The following CTAGE1 variants were observed in gnomAD, a reference collection of about 807,000 sequenced individuals.
The protein encoded by CTAGE1 is cutaneous T cell lymphoma-associated antigen 1.
For missense variants in CTAGE1, 963 were observed against 855.9 expected (o/e 1.13, Z -1.56); for synonymous variants, 332 against 302.8 (o/e 1.10, Z -1.00).
Position 22,415,743 on chromosome 18 carries a change from G to C in CTAGE1, c.2069C>G (p.Pro690Arg), listed in dbSNP as rs193288240. Residue 690 changes from proline to arginine, a missense_variant, in exon 1 of 1, where the codon CCA (proline) becomes CGA (arginine). Pro to Arg is a moderately radical substitution (Grantham distance 103, BLOSUM62 -2). Coordinates refer to ENST00000391403, the MANE Select transcript of CTAGE1 (RefSeq NM_172241.3). ...TCCAAACACGGTTCCTGGAGGAGGT[G>C]GGGGGAAAGGAGGTCCTCTTCTTAT... The part of the protein sequence containing the change: ...PFIRRGPPFP[P>R]PPPGTVFGAS... 1.9e-6 allele frequency: 3 copies of C among 1,613,956 alleles called. No individual in the cohort carries two copies. The highest frequency in any genetic ancestry group is 1.7e-6 in the Non-Finnish European group (2 of 1,179,918).
rs1441547565 is a variant in CTAGE1 at position 22,414,785 on chromosome 18, T to C, written c.*789A>G. On this transcript the variant is annotated 3_prime_UTR_variant, in exon 1 of 1. Transcript: ENST00000391403. ...GGCAAGTAAAAGTTCTGGATAAAGT[T>C]GTTCCCACCAAATAAAAATAAAACA... The C allele has an allele frequency of 1.4e-6, 1 of 702,906 alleles. No homozygotes were observed. The allele number at this position is 702,906 out of a possible 1,614,324, so 43.5% of individuals were successfully genotyped here.
In CTAGE1 at chr18:22,414,438, A is replaced by G. The variant is rs2034984470; in HGVS notation, c.*1136T>C. 1.8e-6 allele frequency: 1 copy of G among 541,880 alleles called. No homozygotes were observed. The highest frequency in any genetic ancestry group is 3.3e-6 in the Non-Finnish European group (1 of 307,322). The allele number at this position is 541,880 out of a possible 1,614,324, so 33.6% of individuals were successfully genotyped here. ...CATTAACTGCTAGGGGAGGCATGTG[A>G]GCTAGGATGCTTTTTAAAAGTGAGG... On this transcript the variant is annotated 3_prime_UTR_variant, in exon 1 of 1. Transcript: ENST00000391403.
Position 22,416,507 on chromosome 18 carries a change from T to C in CTAGE1, c.1305A>G (p.Ala435=), listed in dbSNP as rs780949667. The C allele has an allele frequency of 7.4e-6, 12 of 1,613,934 alleles. No homozygotes were observed. The highest frequency in any genetic ancestry group is 6.7e-5 in the Admixed American group (4 of 59,984). Residue 435 remains alanine (A), a synonymous_variant, in exon 1 of 1, where the codon GCA becomes GCG. Coordinates refer to ENST00000391403, the MANE Select transcript of CTAGE1 (RefSeq NM_172241.3). ...HEKKAHDNWS[A]AWTAERNLND... ...TGAGGTTTCTTTCAGCAGTCCAAGCTGCCGACCAATTATCATGTGCTTTTT... is the reference window on the plus strand; with the variant it reads ...TGAGGTTTCTTTCAGCAGTCCAAGCCGCCGACCAATTATCATGTGCTTTTT...
Position 22,416,361 on chromosome 18 carries a change from T to C in CTAGE1, c.1451A>G (p.Gln484Arg), listed in dbSNP as rs371705557. ...LDVPNTAFGR[Q>R]HSPYGPSPLG... ...TGGTGAGGGACCATATGGGGAATGC[T>C]GTCTGCCAAATGCTGTATTTGGAAC... Residue 484 changes from glutamine to arginine, a missense_variant, in exon 1 of 1, where the codon CAG (glutamine) becomes CGG (arginine). Physicochemically the swap from Gln to Arg is conservative, Grantham distance 43 (BLOSUM62 1). Coordinates refer to ENST00000391403, the MANE Select transcript of CTAGE1 (RefSeq NM_172241.3). The C allele has an allele frequency of 1.9e-6, 3 of 1,613,928 alleles. No individual in the cohort carries two copies. The highest frequency in any genetic ancestry group is 1.3e-5 in the African/African-American group (1 of 74,936).
chr18:22,417,445 T>C lies in CTAGE1; in HGVS notation c.367A>G (p.Lys123Glu). Reference protein sequence around the residue: ...HEILCLEKELKEEKSKHSEQN... With the variant: ...HEILCLEKELEEEKSKHSEQN... ...TCAGAATGTTTAGATTTCTCTTCTT[T>C]TAACTCTTTTTCTAGACAGAGTATT... The change falls in exon 1 of 1, where the codon AAA becomes GAA. Residue 123 changes from lysine to glutamate, a missense_variant. Coordinates refer to ENST00000391403, the MANE Select transcript of CTAGE1 (RefSeq NM_172241.3). 6.2e-7 allele frequency: 1 copy of C among 1,614,028 alleles called. No individual in the cohort carries two copies. The highest frequency in any genetic ancestry group is 8.5e-7 in the Non-Finnish European group (1 of 1,179,874).
rs748835461 is a variant in CTAGE1, at chr18:22,415,847, T to C, written c.1965A>G (p.Ala655=). The C allele has an allele frequency of 1.7e-5, 28 of 1,613,858 alleles. No individual in the cohort carries two copies. The highest frequency in any genetic ancestry group is 1.5e-4 in the African/African-American group (11 of 74,922). The part of the protein sequence containing the change: ...PDSSLPAENE[A]TGPGFVPPPL... Reference sequence around the variant, plus strand: ...GTGGAGGAACAAAGCCAGGGCCAGTTGCTTCATTTTCAGCGGGGAGAGATG... The same window carrying C: ...GTGGAGGAACAAAGCCAGGGCCAGTCGCTTCATTTTCAGCGGGGAGAGATG... The change falls in exon 1 of 1, where the codon GCA becomes GCG. Residue 655 remains alanine, a synonymous_variant. Coordinates refer to ENST00000391403, the MANE Select transcript of CTAGE1 (RefSeq NM_172241.3).
chr18:22,417,218 T>C lies in CTAGE1; in HGVS notation c.594A>G (p.Glu198=), dbSNP rs377745381. The C allele has an allele frequency of 6.2e-7, 1 of 1,613,872 alleles. No homozygotes were observed. Among genetic ancestry groups the C allele is most frequent in the African/African-American group, 1.3e-5 (1 of 74,938 alleles). ...TCACTTGTTCTTTCCATACTTCAGC[T>C]TCTTGCAAAAGCTGTTTCTGGCTTT... ...LQESQKQLLQ[E]AEVWKEQVSE... is the part of the protein sequence containing the mutation. The change falls in exon 1 of 1, where the codon GAA becomes GAG. Residue 198 remains glutamate, a synonymous_variant. Coordinates refer to ENST00000391403, the MANE Select transcript of CTAGE1 (RefSeq NM_172241.3).
chr18:22,417,647 T>C lies in CTAGE1; in HGVS notation c.165A>G (p.Leu55=), dbSNP rs780589110. The change falls in exon 1 of 1, where the codon CTA becomes CTG. Residue 55 remains leucine (L), a synonymous_variant. Coordinates refer to ENST00000391403, the MANE Select transcript of CTAGE1 (RefSeq NM_172241.3). The stretch of plus-strand genomic sequence containing the variant: ...CAAGTAGTTTACATTTTTCTTCAAT[T>C]AGTCCAGAAAGTGCCACAGCAAACT... ...EKKFAVALSG[L]IEEKCKLLEK... is the part of the protein sequence containing the mutation. 6.2e-7 allele frequency: 1 copy of C among 1,613,930 alleles called. No homozygotes were observed. The highest frequency in any genetic ancestry group is 1.3e-5 in the African/African-American group (1 of 74,930).
chr18:22,416,347 C>T lies in CTAGE1; in HGVS notation c.1465G>A (p.Gly489Ser). 2 of 1,613,924 alleles carry T rather than the reference C, an allele frequency of 1.2e-6. No individual in the cohort carries two copies. Among genetic ancestry groups the T allele is most frequent in the Non-Finnish European group, 1.7e-6 (2 of 1,179,858 alleles). Residue 489 changes from glycine to serine, a missense_variant, in exon 1 of 1, where the codon GGT becomes AGT. By Grantham distance (56) the Gly-to-Ser change is moderately conservative. Coordinates refer to ENST00000391403, the MANE Select transcript of CTAGE1 (RefSeq NM_172241.3). The part of the protein sequence containing the change: ...TAFGRQHSPY[G>S]PSPLGWPSSE... ...GAAGGCCAACCCAATGGTGAGGGACCATATGGGGAATGCTGTCTGCCAAAT... is the reference window on the plus strand; with the variant it reads ...GAAGGCCAACCCAATGGTGAGGGACTATATGGGGAATGCTGTCTGCCAAAT...
At position 22,416,399 on chromosome 18, in the gene CTAGE1, A is replaced by T; in HGVS notation, c.1413T>A (p.Pro471=). Residue 471 remains proline, a synonymous_variant, in exon 1 of 1, where the codon CCT becomes CCA. Transcript: ENST00000391403. ...EFKIKLLEKD[P]YGLDVPNTAF... ...CTGTATTTGGAACATCAAGTCCATA[A>T]GGATCTTTTTCTAAAAGTTTTATTT... 1.9e-6 allele frequency: 3 copies of T among 1,613,826 alleles called. No individual in the cohort carries two copies. Among genetic ancestry groups the T allele is most frequent in the Non-Finnish European group, 2.5e-6 (3 of 1,179,868 alleles).
At position 22,417,439 on chromosome 18, in the gene CTAGE1, C is replaced by T. The variant is rs762977905; in HGVS notation, c.373G>A (p.Glu125Lys). The part of the protein sequence containing the change: ...ILCLEKELKE[E>K]KSKHSEQNEL... ...TTTTGTTCAGAATGTTTAGATTTCT[C>T]TTCTTTTAACTCTTTTTCTAGACAG... Residue 125 changes from glutamate (E) to lysine (K), a missense_variant, in exon 1 of 1, where the codon GAG becomes AAG. Coordinates refer to ENST00000391403, the MANE Select transcript of CTAGE1 (RefSeq NM_172241.3). 1.2e-6 allele frequency: 2 copies of T among 1,613,964 alleles called. No individual in the cohort carries two copies. The highest frequency in any genetic ancestry group is 2.2e-5 in the South Asian group (2 of 91,074).
rs760886828 is a variant in CTAGE1 at position 22,415,777 on chromosome 18, C to T, written c.2035G>A (p.Gly679Ser). 9.9e-6 allele frequency: 16 copies of T among 1,613,712 alleles called. No homozygotes were observed. Among genetic ancestry groups the T allele is most frequent in the African/African-American group, 2.7e-5 (2 of 74,874 alleles). ...RGLLFPVDTR[G>S]PFIRRGPPFP... ...GGAGGTCCTCTTCTTATGAACGGGCCCCTTGTATCTACTGGAAACAATAAA... is the reference window on the plus strand; with the variant it reads ...GGAGGTCCTCTTCTTATGAACGGGCTCCTTGTATCTACTGGAAACAATAAA... The change falls in exon 1 of 1, where the codon GGC (glycine) becomes AGC (serine). Residue 679 changes from glycine (G) to serine (S), a missense_variant. Coordinates refer to ENST00000391403, the MANE Select transcript of CTAGE1 (RefSeq NM_172241.3).
rs1293076500 is a variant in CTAGE1, at chr18:22,416,282, CA to C, written c.1529del (p.Leu510TrpfsTer42). The C allele has an allele frequency of 6.2e-7, 1 of 1,613,942 alleles. No individual in the cohort carries two copies. The highest frequency in any genetic ancestry group is 8.5e-7 in the Non-Finnish European group (1 of 1,179,854). ...TRASLYPPTL[L>X]EGPLRLSPLL... is the part of the protein sequence containing the mutation. ...AAGGTGAGAGTCTGAGAGGACCTTCCAACAAAGTTGGAGGATAGAGAGAAGC... is the reference window on the plus strand; with the variant it reads ...AAGGTGAGAGTCTGAGAGGACCTTCCACAAAGTTGGAGGATAGAGAGAAGC... On this transcript the variant is annotated frameshift_variant, in exon 1 of 1. Coordinates refer to ENST00000391403, the MANE Select transcript of CTAGE1 (RefSeq NM_172241.3). LOFTEE classifies it low-confidence loss of function (END_TRUNC).
rs2034991761 is a variant in CTAGE1 at position 22,414,893 on chromosome 18, G to A, written c.*681C>T. 1 of 675,000 alleles carries A rather than the reference G, an allele frequency of 1.5e-6. No homozygotes were observed. The highest frequency in any genetic ancestry group is 1.8e-5 in the African/African-American group (1 of 55,452). The allele number at this position is 675,000 out of a possible 1,614,324, so 41.8% of individuals were successfully genotyped here. A position where few individuals can be genotyped will look rare whatever the true frequency, so the allele number is the denominator to read the frequency against. On this transcript the variant is annotated 3_prime_UTR_variant, in exon 1 of 1. Coordinates refer to ENST00000391403, the MANE Select transcript of CTAGE1 (RefSeq NM_172241.3). ...CTTAGGGAAGACGAAGGGAAGGAAA[G>A]GGAGGGCGAAGAAACCATTCTTGAG... is the stretch of plus-strand genomic sequence containing the variant.
At position 22,415,909 on chromosome 18, in the gene CTAGE1, T is replaced by C. The variant is rs1481919007; in HGVS notation, c.1903A>G (p.Thr635Ala). 1.2e-5 allele frequency: 19 copies of C among 1,613,962 alleles called. No homozygotes were observed. The highest frequency in any genetic ancestry group is 1.1e-5 in the South Asian group (1 of 91,074). Residue 635 changes from threonine (T) to alanine (A), a missense_variant, in exon 1 of 1, where the codon ACC (threonine) becomes GCC (alanine). By Grantham distance (58) the Thr-to-Ala change is moderately conservative. Transcript: ENST00000391403. ...TTTAAATTACCAAGATTATCTTTGG[T>C]ATCATTTCTACTGGATTCCATTTCT... is the stretch of plus-strand genomic sequence containing the variant. ...PSEMESSRND[T>A]KDNLGNLKVP...
Position 22,414,500 on chromosome 18 carries a change from C to A in CTAGE1, c.*1074G>T, listed in dbSNP as rs2034985165. The A allele has an allele frequency of 1.7e-5, 10 of 577,256 alleles. No individual in the cohort carries two copies. In the South Asian group the frequency reaches 2.3e-4, roughly 14 times the overall value. The allele number at this position is 577,256 out of a possible 1,614,324, so 35.8% of individuals were successfully genotyped here. A position where few individuals can be genotyped will look rare whatever the true frequency, so the allele number is the denominator to read the frequency against. ...CCAAAAGAAGCAATGGCTTGGTGGC[C>A]CAGCTTGCATGAAGGACTAATCCAA... On this transcript the variant is annotated 3_prime_UTR_variant, in exon 1 of 1. Transcript: ENST00000391403.
chr18:22,417,845 C>G lies in CTAGE1; in HGVS notation c.-34G>C. The stretch of plus-strand genomic sequence containing the variant: ...TCAGTGCTGCCACAACCCTGCGTAG[C>G]AACTCCAGGACCAGCCCCAGGTATG... On this transcript the variant is annotated 5_prime_UTR_variant, in exon 1 of 1. Transcript: ENST00000391403. 6.2e-7 allele frequency: 1 copy of G among 1,608,182 alleles called. No homozygotes were observed. Among genetic ancestry groups the G allele is most frequent in the South Asian group, 1.1e-5 (1 of 90,902 alleles).
rs771603655 is a variant in CTAGE1 at position 22,417,147 on chromosome 18, T to C, written c.665A>G (p.His222Arg). Residue 222 changes from histidine (H) to arginine (R), a missense_variant, in exon 1 of 1, where the codon CAT (histidine) becomes CGT (arginine). Coordinates refer to ENST00000391403, the MANE Select transcript of CTAGE1 (RefSeq NM_172241.3). ...QKRTFEDSKVHAEQVLNDKEN... is the reference protein window; with the variant it reads ...QKRTFEDSKVRAEQVLNDKEN... ...TTTATCATTTAGAACTTGTTCTGCA[T>C]GTACTTTGGAGTCTTCAAATGTTCT... 3 of 1,613,842 alleles carry C rather than the reference T, an allele frequency of 1.9e-6. No individual in the cohort carries two copies. The highest frequency in any genetic ancestry group is 2.2e-5 in the East Asian group (1 of 44,884).
rs1212175290 is a variant in CTAGE1 at position 22,413,923 on chromosome 18, AGACTGTG to A, written c.*1644_*1650del. The A allele has an allele frequency of 1.3e-5, 2 of 152,206 alleles. No individual in the cohort carries two copies. The highest frequency in any genetic ancestry group is 2.9e-5 in the Non-Finnish European group (2 of 68,036). 9.4% of individuals were successfully genotyped at this position (152,206 alleles called of 1,614,324 possible). On this transcript the variant is annotated 3_prime_UTR_variant, in exon 1 of 1. Coordinates refer to ENST00000391403, the MANE Select transcript of CTAGE1 (RefSeq NM_172241.3). ...AACTTTGGAAGTATCTAGAAATGCA[AGACTGTG>A]GAAATGGATGCCTGGCTCAATATAA...
Sources: gnomAD v4.1 joint callset for allele counts on GRCh38, gnomAD v4.1.1 for gene constraint, MANE v1.5 for transcripts, NCBI Gene and HGNC (gene_info 2026-07-23, HGNC 2026-07-21) for gene names.